KAZN: variants seen among roughly 807,000 people sequenced by gnomAD.
KAZN encodes kazrin, periplakin interacting protein, also known as kazrin.
A neutral mutation model predicts 87.4 loss-of-function variants in KAZN; 40 were observed. The ratio of observed to expected loss-of-function variants is 0.46; its 90% confidence interval spans 0.36 to 0.60. KAZN has a LOEUF of 0.60. Ranked by LOEUF, KAZN falls within the 20% of genes least tolerant of loss-of-function variation. The probability of loss-of-function intolerance (pLI) is 0.00; values close to 1 mark genes in which losing one functional copy is unlikely to be tolerated. For synonymous variants in KAZN, 466 were observed against 458.3 expected (o/e 1.02, Z -0.22); for missense variants, 898 against 1,073.9 (o/e 0.84, Z 2.29).
At chr1:14,568,110 C>T (rs1438482644) in intron 2 of KAZN, among the ~76,000 whole-genome samples, 1 of 152,188 alleles carries the variant, frequency 6.6e-6, no homozygotes. Context: ...CTGACCTCAT[C>T]AGGTGAGCCC....
intron 1 of KAZN, among the ~76,000 whole-genome samples, chr1:14,731,063 T>G (rs1010406518): frequency 3.9e-5 from 6 of 152,204 alleles, no homozygotes; most frequent in Non-Finnish European, 8.8e-5. Flanking sequence ...ATAGGAAATT[T>G]ATTTCTTAAC....
chr1:13,916,324 A>G (rs1185005305), intron 1 of KAZN, among the ~76,000 whole-genome samples: 1 of 152,100 alleles, frequency 6.6e-6, no homozygotes, highest in Non-Finnish European at 1.5e-5. Context: ...ACCTCTGATT[A>G]TGTTCTGTTT....
intron 2 of KAZN, among the ~76,000 whole-genome samples, chr1:15,030,772 G>A (rs1029590526): frequency 3.9e-5 from 6 of 152,220 alleles, no homozygotes; most frequent in African/African-American, 1.4e-4. Flanking sequence ...TAAGGTTCCA[G>A]CCCAGCAGGC....
chr1:14,868,137 G>A (rs1252259088), intron 1 of KAZN, among the ~76,000 whole-genome samples: 1 of 151,596 alleles, frequency 6.6e-6, no homozygotes, highest in African/African-American at 2.4e-5. Flanking sequence ...ACATAGCACG[G>A]CATCACATAC....
intron 1 of KAZN, among the ~76,000 whole-genome samples, chr1:14,819,548 G>A (rs927192389): frequency 1.3e-5 from 2 of 151,990 alleles, no homozygotes; most frequent in Admixed American, 1.3e-4. Context: ...AGACTGTAAC[G>A]TGGAAATCCT....
At chr1:15,065,585 T>A in intron 7 of KAZN, 45 bp from the exon 8 acceptor site, 1 of 1,533,902 alleles carries the variant, frequency 6.5e-7, no homozygotes, top group Non-Finnish European at 8.9e-7. Context: ...AGCTTGGCTT[T>A]CTTCTTCTCC....
intron 10 of KAZN, among the ~76,000 whole-genome samples, chr1:15,100,510 G>T (rs1430087496): frequency 5.3e-5 from 8 of 152,232 alleles, no homozygotes; most frequent in Admixed American, 5.2e-4. Context: ...TCCCTTGCAG[G>T]TGGGATGCGG....
At chr1:14,669,110 GTGGGACC>G (rs531939905) in intron 1 of KAZN, among the ~76,000 whole-genome samples, 251 of 152,334 alleles carry the variant, frequency 1.6e-3, no homozygotes, top group Non-Finnish European at 2.9e-3. Context: ...AAGACACAGA[GTGGGACC>G]TTTATTCAAG....
intron 1 of KAZN, among the ~76,000 whole-genome samples, chr1:14,095,414 A>G (rs561545208): frequency 6.6e-6 from 1 of 152,314 alleles, no homozygotes; most frequent in African/African-American, 2.4e-5. Flanking sequence ...ATCTGTTGCT[A>G]TATAACAAAC....
At chr1:14,379,075 T>TAAG (rs1553164151) in intron 2 of KAZN, among the ~76,000 whole-genome samples, 3 of 145,770 alleles carry the variant, frequency 2.1e-5, no homozygotes, top group East Asian at 4.1e-4. Context: ...CAGCACCAGT[T>TAAG]AGTCATGAGG....
intron 2 of KAZN, among the ~76,000 whole-genome samples, chr1:14,972,430 A>T (rs1665153643): frequency 6.6e-6 from 1 of 151,922 alleles, no homozygotes; most frequent in South Asian, 2.1e-4. Flanking sequence ...TGGACACAGG[A>T]TCAAGTCTGA....
intron 2 of KAZN, among the ~76,000 whole-genome samples, chr1:14,360,147 C>G (rs1019520594): frequency 6.6e-6 from 1 of 152,066 alleles, no homozygotes; most frequent in African/African-American, 2.4e-5. Context: ...CCTTTTCATT[C>G]TTTTTTCTCT....
At chr1:14,105,813 CT>C (rs1644360929) in intron 1 of KAZN, among the ~76,000 whole-genome samples, 2 of 152,310 alleles carry the variant, frequency 1.3e-5, no homozygotes, top group African/African-American at 4.8e-5. Flanking sequence ...CTAACATTTG[CT>C]TTTGGTGAAA....
At chr1:14,801,103 G>A (rs1412890047) in intron 1 of KAZN, among the ~76,000 whole-genome samples, 1 of 151,966 alleles carries the variant, frequency 6.6e-6, no homozygotes, top group Non-Finnish European at 1.5e-5. Context: ...CGCAGAGGGT[G>A]GTGATAAGAG....
At chr1:15,022,340 TA>T (rs1670760339) in intron 2 of KAZN, among the ~76,000 whole-genome samples, 1 of 152,146 alleles carries the variant, frequency 6.6e-6, no homozygotes, top group Non-Finnish European at 1.5e-5. Flanking sequence ...CTCTGGCTGT[TA>T]GGCAGTCACT....
chr1:15,042,103 G>A (rs1480793488), intron 3 of KAZN, among the ~76,000 whole-genome samples: 4 of 152,194 alleles, frequency 2.6e-5, no homozygotes, highest in Admixed American at 2.6e-4. Context: ...CTTCCCACCC[G>A]GCCTAGAGCC....
At chr1:14,602,980 G>A (rs1020744827) in intron 1 of KAZN, among the ~76,000 whole-genome samples, 6 of 152,148 alleles carry the variant, frequency 3.9e-5, no homozygotes, top group African/African-American at 7.2e-5. Context: ...CCATAAATGC[G>A]TGCAAGTTGT....
intron 2 of KAZN, among the ~76,000 whole-genome samples, chr1:14,232,403 G>T (rs1450567769): frequency 6.6e-6 from 1 of 152,126 alleles, no homozygotes; most frequent in African/African-American, 2.4e-5. Context: ...AAAGCATGTA[G>T]AAGTTCCAGC....
intron 2 of KAZN, among the ~76,000 whole-genome samples, chr1:14,494,995 CA>C (rs1410464164): frequency 1.3e-5 from 2 of 152,028 alleles, no homozygotes; most frequent in Non-Finnish European, 2.9e-5. Context: ...GAAGGAAAAA[CA>C]AAAATTCATT....
Sources: allele counts gnomAD v4.1 joint callset (sites outside exome capture counted in the v4.1 genomes callset), GRCh38; gene constraint gnomAD v4.1.1; transcripts MANE v1.5; gene names NCBI Gene and HGNC (gene_info 2026-07-23, HGNC 2026-07-21).